The following CLPB variants were observed in gnomAD, a reference collection of about 807,000 sequenced individuals.
CLPB encodes the protein ClpB family mitochondrial disaggregase.
A neutral mutation model predicts 78.4 loss-of-function variants in CLPB; 40 were observed. The ratio of observed to expected loss-of-function variants is 0.51; its 90% CI spans 0.40 to 0.66. The LOEUF is 0.66. Ranked by LOEUF, CLPB falls within the 30% of genes least tolerant of loss-of-function variation. The pLI, the probability that CLPB is intolerant of heterozygous loss-of-function variation, is 0.00. For missense variants in CLPB, 780 were observed against 886.9 expected (o/e 0.88, Z 1.53); for synonymous variants, 333 against 348.0 (o/e 0.96, Z 0.48).
intron 7 of CLPB, among the ~76,000 whole-genome samples, 164 bp from the exon 8 acceptor site, chr11:72,308,768 G>A (rs1273119910): frequency 6.6e-6 from 1 of 152,184 alleles, no homozygotes; most frequent in Non-Finnish European, 1.5e-5. Flanking sequence ...AGCTGGCAAG[G>A]CCCCTAGAGA....
At chr11:72,418,810 G>A (rs971326114) in intron 2 of CLPB, among the ~76,000 whole-genome samples, 2 of 145,830 alleles carry the variant, frequency 1.4e-5, no homozygotes, top group Admixed American at 7.0e-5. Context: ...AGCTGAGATC[G>A]TACCACTGCA....
intron 5 of CLPB, among the ~76,000 whole-genome samples, chr11:72,342,892 A>G (rs1165083500): frequency 6.6e-6 from 1 of 152,188 alleles, no homozygotes; most frequent in Non-Finnish European, 1.5e-5. Context: ...ATCTAACAAC[A>G]TTGAAAGGAG....
intron 5 of CLPB, among the ~76,000 whole-genome samples, chr11:72,332,393 G>T (rs1158823986): frequency 6.6e-6 from 1 of 151,974 alleles, no homozygotes; most frequent in East Asian, 1.9e-4. Flanking sequence ...GAAGGCTGAA[G>T]CACAAGAATT....
intron 6 of CLPB, among the ~76,000 whole-genome samples, chr11:72,325,492 T>G (rs1950117181): frequency 6.6e-6 from 1 of 152,116 alleles, no homozygotes; most frequent in Non-Finnish European, 1.5e-5. Context: ...TAAGGAGGCT[T>G]CGGCGCACAG....
chr11:72,319,312 A>C (rs549585037), intron 6 of CLPB, among the ~76,000 whole-genome samples: 1 of 152,304 alleles, frequency 6.6e-6, no homozygotes, highest in African/African-American at 2.4e-5. Context: ...ATTTCTCTCT[A>C]TAGTTCCAGT....
chr11:72,431,308 G>A (rs7129526), intron 1 of CLPB, among the ~76,000 whole-genome samples: 15,343 of 152,222 alleles, frequency 0.1, 1,347 homozygotes, highest in African/African-American at 0.24. Context: ...TGGGCAGTGG[G>A]CGGATTCATA....
At chr11:72,427,248 G>A (rs575059036) in intron 2 of CLPB, among the ~76,000 whole-genome samples, 1 of 152,192 alleles carries the variant, frequency 6.6e-6, no homozygotes, top group Non-Finnish European at 1.5e-5. Flanking sequence ...CAAGACTCTG[G>A]GGCTAAGGAC....
intron 1 of CLPB, among the ~76,000 whole-genome samples, chr11:72,432,508 T>G (rs1488801808): frequency 2.0e-5 from 3 of 152,026 alleles, no homozygotes; most frequent in African/African-American, 7.2e-5. Flanking sequence ...CAACGACACA[T>G]AGCACCACTC....
intron 5 of CLPB, among the ~76,000 whole-genome samples, chr11:72,341,808 T>C (rs1950425219): frequency 6.6e-6 from 1 of 152,246 alleles, no homozygotes; most frequent in African/African-American, 2.4e-5. Context: ...AGTGACTGCA[T>C]GCTGGGTTAA....
intron 4 of CLPB, among the ~76,000 whole-genome samples, chr11:72,368,879 G>A (rs1950991554): frequency 6.6e-6 from 1 of 152,112 alleles, no homozygotes; most frequent in Non-Finnish European, 1.5e-5. Context: ...TTCTGCCCAT[G>A]GACTGGAAGT....
At chr11:72,323,715 C>T (rs909707844) in intron 6 of CLPB, among the ~76,000 whole-genome samples, 6 of 151,970 alleles carry the variant, frequency 3.9e-5, no homozygotes, top group Admixed American at 6.6e-5. Context: ...ACATGACAAC[C>T]GAATGCAACT....
At chr11:72,321,200 A>G (rs1950038018) in intron 6 of CLPB, among the ~76,000 whole-genome samples, 1 of 152,190 alleles carries the variant, frequency 6.6e-6, no homozygotes, top group African/African-American at 2.4e-5. Flanking sequence ...AGGCTACAAG[A>G]CGAGTTCAAG....
At chr11:72,402,129 G>A (rs1047902148) in intron 3 of CLPB, among the ~76,000 whole-genome samples, 10 of 152,066 alleles carry the variant, frequency 6.6e-5, no homozygotes, top group Admixed American at 3.9e-4. Context: ...GTGTGATGGT[G>A]CATACCTGTA....
chr11:72,376,950 G>A (rs372638871), intron 4 of CLPB, among the ~76,000 whole-genome samples: 7 of 152,278 alleles, frequency 4.6e-5, no homozygotes, highest in African/African-American at 1.7e-4. Context: ...GACTACAAGC[G>A]TGAGCCACAG....
intron 3 of CLPB, among the ~76,000 whole-genome samples, chr11:72,391,618 T>C (rs1855256635): frequency 6.6e-6 from 1 of 152,246 alleles, no homozygotes; most frequent in Non-Finnish European, 1.5e-5. Flanking sequence ...AGCAGCTGTC[T>C]CTGCCCTGCT....
At chr11:72,341,056 G>A (rs577810589) in intron 5 of CLPB, among the ~76,000 whole-genome samples, 81 of 152,246 alleles carry the variant, frequency 5.3e-4, no homozygotes, top group Non-Finnish European at 9.3e-4. Context: ...TCCTGACCTC[G>A]TGATCCGCCC....
At chr11:72,416,525 C>T (rs1334123890) in intron 2 of CLPB, among the ~76,000 whole-genome samples, 2 of 152,108 alleles carry the variant, frequency 1.3e-5, no homozygotes, top group East Asian at 1.9e-4. Context: ...CACCTGAGGT[C>T]AGGAGTTCGA....
intron 4 of CLPB, among the ~76,000 whole-genome samples, chr11:72,360,492 AG>A (rs1950816228): frequency 6.6e-6 from 1 of 151,738 alleles, no homozygotes; most frequent in African/African-American, 2.4e-5. Context: ...CCCAGGCTGG[AG>A]GGCAGTGGCG....
At chr11:72,300,451 T>TCTC (rs1209305447) in intron 11 of CLPB, among the ~76,000 whole-genome samples, 2 of 152,218 alleles carry the variant, frequency 1.3e-5, no homozygotes, top group African/African-American at 4.8e-5. Context: ...AGTAGAGGCC[T>TCTC]CAGTGTACAC....
Sources: allele counts gnomAD v4.1 joint callset (sites outside exome capture counted in the v4.1 genomes callset), GRCh38; gene constraint gnomAD v4.1.1; transcripts MANE v1.5; gene names NCBI Gene and HGNC (gene_info 2026-07-23, HGNC 2026-07-21).